C8orf76: variants seen among roughly 807,000 people sequenced by gnomAD.
C8orf76 encodes chromosome 8 open reading frame 76, also known as uncharacterized protein C8orf76.
In C8orf76, 46 loss-of-function variants were observed where a neutral mutation model predicts 38.1. That is an observed-to-expected ratio of 1.21 (90% CI 0.95 to 1.54). C8orf76 has a LOEUF of 1.54. Ranked by LOEUF, C8orf76 falls within the 40% of genes most tolerant of loss-of-function variation. The pLI is 0.00. For missense variants in C8orf76, 461 were observed against 441.6 expected (o/e 1.04, Z -0.39); for synonymous variants, 166 against 167.5 (o/e 0.99, Z 0.07).
At chr8:123,227,162 A>T (rs1320113739) in intron 4 of C8orf76, among the ~76,000 whole-genome samples, 3 of 151,936 alleles carry the variant, frequency 2.0e-5, no homozygotes, top group Non-Finnish European at 4.4e-5. Flanking sequence ...CCCTCTGACA[A>T]CCACTCTGCG....
intron 1 of C8orf76, 200 bp from the exon 2 acceptor site, chr8:123,239,344 T>A: frequency 2.0e-6 from 1 of 507,730 alleles, no homozygotes; most frequent in Non-Finnish European, 3.5e-6. Flanking sequence ...GGATTACAGG[T>A]GTGAGCCACC....
chr8:123,221,002 A>G (rs1824884011), intron 5 of C8orf76, among the ~76,000 whole-genome samples: 1 of 152,228 alleles, frequency 6.6e-6, no homozygotes, highest in South Asian at 2.1e-4. Context: ...GTAGTCATGG[A>G]GCAGGGATGT....
chr8:123,238,686 G>T (rs554629868), intron 2 of C8orf76: 1 of 165,972 alleles, frequency 6.0e-6, no homozygotes, highest in Admixed American at 5.9e-5. Flanking sequence ...CATATGTAAC[G>T]CAATCTAACA....
Position 123,234,915 on chromosome 8 carries a change from T to A in C8orf76, c.357+2883A>T, listed in dbSNP as rs372937387. Among the ~76,000 whole-genome samples the A allele has an allele frequency of 3.3e-5, 5 of 152,224 alleles. No homozygotes were observed. In the South Asian group the frequency reaches 1.0e-3, roughly 32 times the overall value. ...AGGAGGAGGCTGCAGTGAGCCAAGATCGCACCACTGCACTCCAGCCTGGGC... is the reference window on the plus strand; with the variant it reads ...AGGAGGAGGCTGCAGTGAGCCAAGAACGCACCACTGCACTCCAGCCTGGGC... On this transcript the variant is annotated intron_variant, in intron 3 of 5. Transcript: ENST00000276704.
At chr8:123,225,443 C>A (rs748953987) in intron 5 of C8orf76, among the ~76,000 whole-genome samples, 1 of 152,176 alleles carries the variant, frequency 6.6e-6, no homozygotes, top group African/African-American at 2.4e-5. Flanking sequence ...GGAGAGTAAT[C>A]AACCCAGAGG....
chr8:123,240,638 G>A (rs574349828), intron 1 of C8orf76, among the ~76,000 whole-genome samples: 66 of 152,344 alleles, frequency 4.3e-4, no homozygotes, highest in African/African-American at 1.6e-3. Flanking sequence ...AGCACTCCGG[G>A]TCTCAGGACT....
chr8:123,237,326 G>GA (rs374130356), intron 3 of C8orf76, among the ~76,000 whole-genome samples: 25 of 150,896 alleles, frequency 1.7e-4, no homozygotes, highest in Middle Eastern at 3.4e-3. Flanking sequence ...AAAGGAAAAA[G>GA]AAAAAAAAAT....
At chr8:123,235,540 C>G (rs1333080555) in intron 3 of C8orf76, among the ~76,000 whole-genome samples, 2 of 152,182 alleles carry the variant, frequency 1.3e-5, no homozygotes, top group Non-Finnish European at 2.9e-5. Flanking sequence ...CCGCTGAGAT[C>G]ATGTGTGAAG....
intron 5 of C8orf76, among the ~76,000 whole-genome samples, chr8:123,221,901 C>T (rs1024558740): frequency 3.3e-5 from 5 of 152,012 alleles, no homozygotes; most frequent in African/African-American, 1.2e-4. Context: ...AGAGTGAGAC[C>T]CCACCTCCAA....
chr8:123,233,896 C>T (rs187607872), intron 3 of C8orf76, among the ~76,000 whole-genome samples: 273 of 151,870 alleles, frequency 1.8e-3, no homozygotes, highest in Middle Eastern at 3.4e-3. Context: ...GGTGTGGTGG[C>T]GGGCACCTGT....
intron 5 of C8orf76, among the ~76,000 whole-genome samples, chr8:123,223,476 C>T (rs1363299651): frequency 6.6e-6 from 1 of 152,122 alleles, no homozygotes; most frequent in Non-Finnish European, 1.5e-5. Context: ...GGCATGGTGG[C>T]ACACGCCTGT....
chr8:123,223,571 G>A lies in C8orf76; in HGVS notation c.948+2929C>T, dbSNP rs191232538. On this transcript the variant is annotated intron_variant, in intron 5 of 5. Transcript: ENST00000276704. Reference sequence around the variant, plus strand: ...TGCAGTGAGCCGAGATAGTGCCACTGTACTCCTGCCTGGGTGACAGAGCAA... The same window carrying A: ...TGCAGTGAGCCGAGATAGTGCCACTATACTCCTGCCTGGGTGACAGAGCAA... Among the ~76,000 whole-genome samples the A allele has an allele frequency of 1.7e-3, 254 of 152,262 alleles. 3 individuals are homozygous for A. The highest frequency in any genetic ancestry group is 3.1e-4 in the Non-Finnish European group (21 of 68,030).
chr8:123,234,992 C>G (rs937198808), intron 3 of C8orf76, among the ~76,000 whole-genome samples: 2 of 152,042 alleles, frequency 1.3e-5, no homozygotes, highest in African/African-American at 4.8e-5. Flanking sequence ...TGTATATGTG[C>G]GCTGGCTAAA....
At chr8:123,224,879 C>T (rs2131133435) in intron 5 of C8orf76, among the ~76,000 whole-genome samples, 1 of 152,232 alleles carries the variant, frequency 6.6e-6, no homozygotes, top group South Asian at 2.1e-4. Flanking sequence ...GCCCAAAGAG[C>T]TATCTATTCA....
chr8:123,220,348 T>C (rs767427690), intron 5 of C8orf76, 51 bp from the exon 6 acceptor site: 1 of 1,385,046 alleles, frequency 7.2e-7, no homozygotes, highest in Admixed American at 2.8e-5. Flanking sequence ...GGCAGAGACA[T>C]GGAATGCTAG....
chr8:123,226,056 C>A, intron 5 of C8orf76: 1 of 665,054 alleles, frequency 1.5e-6, no homozygotes, highest in Non-Finnish European at 1.9e-6. Flanking sequence ...CAAACACAAG[C>A]TCCAGACCAG....
Position 123,220,308 on chromosome 8 carries a change from AG to A in C8orf76, c.949-12del, listed in dbSNP as rs753233024. On this transcript the variant is annotated splice_polypyrimidine_tract_variant and intron_variant, in intron 5 of 5. Coordinates refer to ENST00000276704, the MANE Select transcript of C8orf76 (RefSeq NM_032847.3). ...ATCTTCTCCCATAACCTATAACAGGAGGAAAAAAAAAAACTGTCCCAATAAA... is the reference window on the plus strand; with the variant it reads ...ATCTTCTCCCATAACCTATAACAGGAGAAAAAAAAAAACTGTCCCAATAAA... 4 of 1,512,410 alleles carry A rather than the reference AG, an allele frequency of 2.6e-6. No individual in the cohort carries two copies. The highest frequency in any genetic ancestry group is 3.5e-6 in the Non-Finnish European group (4 of 1,130,640). The allele number at this position is 1,512,410 out of a possible 1,614,324, so 93.7% of individuals were successfully genotyped here.
intron 1 of C8orf76, 128 bp downstream of exon 1, chr8:123,241,102 A>ACGCGGCGGG: frequency 1.1e-6 from 1 of 915,270 alleles, no homozygotes; most frequent in Non-Finnish European, 1.5e-6. Context: ...ACGGCGGGGG[A>ACGCGGCGGG]CGCGGCGGGC....
chr8:123,240,154 A>T (rs1324947062), intron 1 of C8orf76, among the ~76,000 whole-genome samples: 1 of 150,932 alleles, frequency 6.6e-6, no homozygotes, highest in East Asian at 1.9e-4. Flanking sequence ...TGAAGGGACA[A>T]ATAAGGAGCT....
Sources: allele counts gnomAD v4.1 joint callset (sites outside exome capture counted in the v4.1 genomes callset), GRCh38; gene constraint gnomAD v4.1.1; transcripts MANE v1.5; gene names NCBI Gene and HGNC (gene_info 2026-07-23, HGNC 2026-07-21).